SYTL5: variants seen among roughly 807,000 people sequenced by gnomAD.
SYTL5 encodes the protein synaptotagmin-like protein 5.
A neutral mutation model predicts 55.9 loss-of-function variants in SYTL5; 34 were observed. The ratio of observed to expected loss-of-function variants is 0.61; its 90% CI spans 0.46 to 0.81. The LOEUF (loss-of-function observed/expected upper bound fraction) is 0.81, where lower values mean the gene tolerates loss of function less well. Ranked by LOEUF, SYTL5 falls within the 30% of genes least tolerant of loss-of-function variation. SYTL5 has a pLI of 0.00. For missense variants in SYTL5, 637 were observed against 546.7 expected (o/e 1.17, Z -1.65); for synonymous variants, 221 against 188.7 (o/e 1.17, Z -1.40).
chrX:38,107,576 A>T (rs1296791076), intron 11 of SYTL5, among the ~76,000 whole-genome samples: 2 of 111,880 alleles, frequency 1.8e-5, no homozygotes, highest in African/African-American at 6.5e-5. Flanking sequence ...AGCCACTTTT[A>T]TCAGTTCTGG....
the SYTL5 span, among the ~76,000 whole-genome samples, chrX:37,943,793 T>C: frequency 9.0e-6 from 1 of 110,976 alleles, no homozygotes; most frequent in African/African-American, 3.3e-5. Flanking sequence ...CCACTTAATG[T>C]CTCCCAGCCT....
At chrX:37,936,447 G>T in the SYTL5 span, among the ~76,000 whole-genome samples, 38 of 112,104 alleles carry the variant, frequency 3.4e-4, no homozygotes, top group African/African-American at 1.2e-3. Context: ...CAGAGGCTGA[G>T]GAGGCTGAGG....
At chrX:37,971,765 G>A in the SYTL5 span, among the ~76,000 whole-genome samples, 1 of 109,833 alleles carries the variant, frequency 9.1e-6, no homozygotes, top group East Asian at 2.8e-4. Context: ...CCTATGGAGC[G>A]CCCAGAAGGG....
rs753728061 is a variant in SYTL5 at position 38,094,281 on chromosome X, T to C, written c.832-14T>C. ...GTCAGTATAATTTTTTTCTCATTTT[T>C]ACTTTGTGGGAAGGAGTATGGTTTT... is the stretch of plus-strand genomic sequence containing the variant. On this transcript the variant is annotated splice_polypyrimidine_tract_variant and intron_variant, in intron 7 of 16. Transcript: ENST00000297875. 21 of 1,186,804 alleles carry C rather than the reference T, an allele frequency of 1.8e-5. No homozygotes were observed. In the South Asian group the frequency reaches 3.7e-4, roughly 21 times the overall value.
At chrX:37,995,168 C>T in the SYTL5 span, among the ~76,000 whole-genome samples, 5 of 110,294 alleles carry the variant, frequency 4.5e-5, no homozygotes, top group East Asian at 1.4e-3. Context: ...AGGGAGTTGG[C>T]TGGGGTCCTC....
the SYTL5 span, among the ~76,000 whole-genome samples, chrX:37,995,087 G>A: frequency 1.6e-4 from 18 of 110,125 alleles, no homozygotes; most frequent in East Asian, 5.8e-4. Flanking sequence ...CGGCCCTGTG[G>A]GGAGGAACTG....
chrX:38,116,758 A>T, intron 13 of SYTL5, among the ~76,000 whole-genome samples: 1 of 112,460 alleles, frequency 8.9e-6, no homozygotes, highest in Non-Finnish European at 1.9e-5. Context: ...AATCACAAAT[A>T]TGCCTGGCCT....
intron 1 of SYTL5, chrX:38,024,129 G>A (rs1934668565): frequency 9.1e-6 from 1 of 110,300 alleles, no homozygotes; most frequent in African/African-American, 3.3e-5. Context: ...TGGTTTGGCT[G>A]TGTCCCCACC....
At chrX:37,975,841 A>G in the SYTL5 span, among the ~76,000 whole-genome samples, 5 of 112,280 alleles carry the variant, frequency 4.5e-5, no homozygotes, top group Non-Finnish European at 7.5e-5. Flanking sequence ...TTATATTTAT[A>G]TAATCCTGTT....
At chrX:38,021,078 C>T (rs1010364637) in intron 1 of SYTL5, among the ~76,000 whole-genome samples, 1 of 111,769 alleles carries the variant, frequency 8.9e-6, no homozygotes, top group Non-Finnish European at 1.9e-5. Context: ...ATTAGCAGTG[C>T]TTACCCTGTG....
At position 38,102,429 on chromosome X, in the gene SYTL5, TCAA is replaced by T; in HGVS notation, c.1152_1154del (p.Thr386del). The T allele has an allele frequency of 2.5e-6, 3 of 1,190,686 alleles. No homozygotes were observed. ...CACTCACCGTCTGGCAAGTGGCCTA[TCAA>T]CTGTAAGCAGTTCACTAGGACATGT... On this transcript the variant is annotated inframe_deletion and splice_region_variant, in exon 10 of 17. Coordinates refer to ENST00000297875, the MANE Select transcript of SYTL5 (RefSeq NM_138780.3).
intron 3 of SYTL5, among the ~76,000 whole-genome samples, chrX:38,054,962 C>T (rs1163816542): frequency 9.0e-6 from 1 of 111,206 alleles, no homozygotes; most frequent in Non-Finnish European, 1.9e-5. Flanking sequence ...AGGGATCCTC[C>T]AGCCTTGGCC....
At chrX:37,907,210 T>G in the SYTL5 span, among the ~76,000 whole-genome samples, 5 of 111,473 alleles carry the variant, frequency 4.5e-5, no homozygotes, top group Non-Finnish European at 7.5e-5. Flanking sequence ...ACCCTGCTGA[T>G]ATGCCTGCCA....
At chrX:38,122,377 A>T (rs1937580872) in intron 15 of SYTL5, among the ~76,000 whole-genome samples, 162 bp downstream of exon 15, 1 of 111,980 alleles carries the variant, frequency 8.9e-6, no homozygotes, top group African/African-American at 3.3e-5. Flanking sequence ...AAATAACACA[A>T]GTGTTGAGGG....
the SYTL5 span, among the ~76,000 whole-genome samples, chrX:37,927,034 T>C: frequency 8.9e-6 from 1 of 112,146 alleles, no homozygotes; most frequent in Non-Finnish European, 1.9e-5. Context: ...GTATTGAATC[T>C]TCTTTACCTA....
At chrX:37,921,697 T>A in the SYTL5 span, among the ~76,000 whole-genome samples, 2 of 111,954 alleles carry the variant, frequency 1.8e-5, no homozygotes, top group African/African-American at 3.2e-5. Flanking sequence ...AAGTATTAAC[T>A]ACTATTTCTA....
At chrX:37,929,399 G>A in the SYTL5 span, among the ~76,000 whole-genome samples, 1 of 112,035 alleles carries the variant, frequency 8.9e-6, no homozygotes, top group Non-Finnish European at 1.9e-5. Context: ...AGAAAACTCA[G>A]AACAGGTTTT....
chrX:37,975,727 G>A, the SYTL5 span, among the ~76,000 whole-genome samples: 1 of 111,652 alleles, frequency 9.0e-6, no homozygotes, highest in Non-Finnish European at 1.9e-5. Context: ...CTGAGACTTC[G>A]GACTACGAAA....
upstream of SYTL5, among the ~76,000 whole-genome samples, chrX:38,003,759 C>T (rs2147270619): frequency 8.9e-6 from 1 of 111,906 alleles, no homozygotes; most frequent in South Asian, 3.7e-4. Context: ...TTAAAGGAAC[C>T]TTCAAACTGT....
Sources: allele counts gnomAD v4.1 joint callset (sites outside exome capture counted in the v4.1 genomes callset), GRCh38; gene constraint gnomAD v4.1.1; transcripts MANE v1.5; gene names NCBI Gene and HGNC (gene_info 2026-07-23, HGNC 2026-07-21).